The following XCR1 variants were observed in gnomAD, a reference collection of about 807,000 sequenced individuals.
XCR1 encodes the protein chemokine XC receptor 1.
For synonymous variants in XCR1, 187 were observed against 188.5 expected, an observed-to-expected ratio of 0.99 and a Z score of 0.06; for missense variants, 356 against 424.2, an observed-to-expected ratio of 0.84 and a Z score of 1.41.
intron 1 of XCR1, among the ~76,000 whole-genome samples, chr3:46,026,782 C>T (rs1218093897): frequency 6.6e-6 from 1 of 152,006 alleles, no homozygotes; most frequent in Non-Finnish European, 1.5e-5. Flanking sequence ...CGGGGTTTCA[C>T]CATGTTAGCC....
At chr3:46,060,561 A>G (rs373718389) in intron 4 of XCR1, among the ~76,000 whole-genome samples, 1 of 152,322 alleles carries the variant, frequency 6.6e-6, no homozygotes. Flanking sequence ...TTGTAATTCA[A>G]TGGAATCATT....
chr3:46,076,976 A>G (rs1698271447), intron 1 of XCR1, among the ~76,000 whole-genome samples: 1 of 152,186 alleles, frequency 6.6e-6, no homozygotes, highest in African/African-American at 2.4e-5. Context: ...CCCCTTTAAT[A>G]TATCCAGCCC....
intron 5 of XCR1, among the ~76,000 whole-genome samples, chr3:46,042,463 A>G (rs1697553355): frequency 6.6e-6 from 1 of 152,190 alleles, no homozygotes; most frequent in Admixed American, 6.5e-5. Flanking sequence ...GAGAACTCCA[A>G]TTACTAATAT....
At chr3:46,022,038 C>T (rs1299866402) in intron 1 of XCR1, 60 bp from the exon 2 acceptor site, 4 of 1,428,138 alleles carry the variant, frequency 2.8e-6, no homozygotes, top group Non-Finnish European at 3.8e-6. Context: ...GTGGCTAACA[C>T]CTGTAATCCT....
chr3:46,033,692 T>C (rs1697353345), intron 5 of XCR1, among the ~76,000 whole-genome samples: 1 of 152,202 alleles, frequency 6.6e-6, no homozygotes, highest in African/African-American at 2.4e-5. Flanking sequence ...AGTTTGTTGA[T>C]ATTCACAAAA....
intron 5 of XCR1, among the ~76,000 whole-genome samples, chr3:46,037,690 T>C (rs1007044517): frequency 6.6e-6 from 1 of 152,106 alleles, no homozygotes; most frequent in Admixed American, 6.5e-5. Context: ...ATTGGAAAAA[T>C]TTGACTGATT....
chr3:46,072,298 C>T (rs905447653), intron 3 of XCR1, among the ~76,000 whole-genome samples: 3 of 151,812 alleles, frequency 2.0e-5, no homozygotes, highest in South Asian at 2.1e-4. Flanking sequence ...GTGGGCAGAT[C>T]GCTTGAGCCC....
intron 4 of XCR1, among the ~76,000 whole-genome samples, chr3:46,058,272 A>C (rs1394864604): frequency 6.6e-6 from 1 of 152,164 alleles, no homozygotes; most frequent in Non-Finnish European, 1.5e-5. Context: ...TGTATTTGAT[A>C]CCTTTGGGGC....
chr3:46,025,739 A>T (rs1708275847), intron 1 of XCR1, among the ~76,000 whole-genome samples: 1 of 152,198 alleles, frequency 6.6e-6, no homozygotes, highest in South Asian at 2.1e-4. Flanking sequence ...ATTTTTTTAA[A>T]CATTTGGGGA....
At chr3:46,055,431 C>T (rs950820309) in intron 4 of XCR1, among the ~76,000 whole-genome samples, 7 of 152,166 alleles carry the variant, frequency 4.6e-5, no homozygotes, top group South Asian at 2.1e-4. Flanking sequence ...CCCCTCCAGA[C>T]GAATGGATCA....
At chr3:46,029,687 A>G (rs1708363543), upstream of XCR1, among the ~76,000 whole-genome samples, 2 of 152,242 alleles carry the variant, frequency 1.3e-5, no homozygotes, top group South Asian at 2.1e-4. Context: ...TTGTGTGTCA[A>G]AGGACACTAT....
upstream of XCR1, among the ~76,000 whole-genome samples, chr3:46,030,294 G>A (rs1708372972): frequency 6.6e-6 from 1 of 152,112 alleles, no homozygotes; most frequent in African/African-American, 2.4e-5. Context: ...GATGTTAATT[G>A]TGGGTTTTTA....
rs542929362 is a variant in XCR1, at chr3:46,039,337, T to C, written c.-32+14583A>G. On this transcript the variant is annotated intron_variant, in intron 5 of 5. Coordinates refer to the XCR1 transcript ENST00000683768. The stretch of plus-strand genomic sequence containing the variant: ...AAGTTAATTGTCTTACTTTGATAAG[T>C]TTGGCATAGGACCTATCACATTTTT... Among the ~76,000 whole-genome samples the C allele has an allele frequency of 2.6e-5, 4 of 152,354 alleles. No homozygotes were observed. The South Asian group carries it at 8.3e-4, about 32-fold the overall frequency.
At chr3:46,056,756 G>A (rs1269536482) in intron 4 of XCR1, among the ~76,000 whole-genome samples, 1 of 151,970 alleles carries the variant, frequency 6.6e-6, no homozygotes, top group African/African-American at 2.4e-5. Flanking sequence ...CAAAGTGGTG[G>A]GATTACAGGC....
At chr3:46,048,221 T>G (rs909692144) in intron 5 of XCR1, among the ~76,000 whole-genome samples, 4 of 152,180 alleles carry the variant, frequency 2.6e-5, no homozygotes, top group African/African-American at 9.7e-5. Flanking sequence ...CTCTCCCTGA[T>G]TGTGATAAAT....
At chr3:46,022,111 G>C in intron 1 of XCR1, 133 bp from the exon 2 acceptor site, 2 of 744,044 alleles carry the variant, frequency 2.7e-6, no homozygotes, top group Non-Finnish European at 4.3e-6. Context: ...ACCATCCCAG[G>C]CAATATAGTG....
rs779760487 is a variant in XCR1 at position 46,021,789 on chromosome 3, C to T, written c.159G>A (p.Leu53=). The T allele has an allele frequency of 6.2e-7, 1 of 1,614,014 alleles. No individual in the cohort carries two copies. The highest frequency in any genetic ancestry group is 1.3e-5 in the African/African-American group (1 of 74,880). The part of the protein sequence containing the change: ...LLSLVGNSLV[L]WVLVKYESLE... The stretch of plus-strand genomic sequence containing the variant: ...GGCTCTCATACTTCACCAGGACCCA[C>T]AGGACCAGGCTGTTGCCCACTAGGC... Residue 53 remains leucine, a synonymous_variant, in exon 2 of 2, where the codon CTG becomes CTA. Coordinates refer to ENST00000309285, the MANE Select transcript of XCR1 (RefSeq NM_001024644.2). The surrounding 1 kb of genome is among the most constrained non-coding windows in gnomAD (Gnocchi z 4.7).
At chr3:46,045,140 G>A (rs556516380) in intron 5 of XCR1, among the ~76,000 whole-genome samples, 90 of 152,186 alleles carry the variant, frequency 5.9e-4, no homozygotes, top group African/African-American at 2.1e-3. Flanking sequence ...AAAGAATTAG[G>A]CTGGGTGGGG....
At chr3:46,074,093 A>G (rs1319382003) in intron 3 of XCR1, among the ~76,000 whole-genome samples, 1 of 152,198 alleles carries the variant, frequency 6.6e-6, no homozygotes, top group African/African-American at 2.4e-5. Context: ...AAAGGAAAAG[A>G]AAATAGTTAT....
Sources: allele counts gnomAD v4.1 joint callset (sites outside exome capture counted in the v4.1 genomes callset), GRCh38; gene constraint gnomAD v4.1.1; non-coding constraint Gnocchi (gnomAD v3.1); transcripts MANE v1.5; gene names NCBI Gene and HGNC (gene_info 2026-07-23, HGNC 2026-07-21).